Variants in CELSR3 observed in about 807,000 individuals in gnomAD.
CELSR3 encodes the protein cadherin EGF LAG seven-pass G-type receptor 3.
CELSR3 carries 73 observed loss-of-function variants against 270.0 expected under a neutral mutation model. That is an observed-to-expected ratio of 0.27 (90% CI 0.22 to 0.33). The LOEUF is 0.33. CELSR3 is among the 10% of genes least tolerant of loss of function. The probability of loss-of-function intolerance (pLI) is 1.00; values close to 1 mark genes in which losing one functional copy is unlikely to be tolerated. For missense variants in CELSR3, 3,614 were observed against 4,533.8 expected (o/e 0.80, Z 5.83); for synonymous variants, 1,780 against 1,905.4 (o/e 0.93, Z 1.71).
Position 48,640,241 on chromosome 3 carries a change from T to G in CELSR3, c.9344A>C (p.Lys3115Thr). Residue 3115 changes from lysine (K) to threonine (T), a missense_variant, in exon 34 of 35, where the codon AAA becomes ACA. Physicochemically the swap from Lys to Thr is moderately conservative, Grantham distance 78 (BLOSUM62 -1). Transcript: ENST00000164024. The surrounding 1 kb of genome is among the most constrained non-coding windows in gnomAD (Gnocchi z 7.5). The stretch of plus-strand genomic sequence containing the variant: ...CCGTGGCAGGGTGCTGCCCCGATCT[T>G]TGGGCTCCAGTCGGCCTGGTGCAGC... ...MDAAPGRLEP[K>T]DRGSTLPRRQ... 6.2e-7 allele frequency: 1 copy of G among 1,612,744 alleles called. No homozygotes were observed. The highest frequency in any genetic ancestry group is 8.5e-7 in the Non-Finnish European group (1 of 1,179,912).
In CELSR3 at chr3:48,641,431, C is replaced by A. The variant is rs201433524; in HGVS notation, c.8918G>T (p.Arg2973Leu). 6.2e-6 allele frequency: 10 copies of A among 1,612,380 alleles called. No homozygotes were observed. In the East Asian group the frequency reaches 2.2e-4, roughly 36 times the overall value. Residue 2973 changes from arginine to leucine, a missense_variant, in exon 33 of 35, where the codon CGC (arginine) becomes CTC (leucine). Physicochemically the swap from Arg to Leu is moderately radical, Grantham distance 102. Transcript: ENST00000164024. This position sits in a 1 kb window ranked among gnomAD's most constrained non-coding sequence, Gnocchi z 4.8. ...CALQTWGSERRLGLDTSKDAA... is the reference protein window; with the variant it reads ...CALQTWGSERLLGLDTSKDAA... ...ATCCTTGCTGGTGTCCAGCCCCAGG[C>A]GCCTTTCAGAGCCCCAAGTCTGCAG...
chr3:48,661,927 T>C lies in CELSR3; in HGVS notation c.708A>G (p.Pro236=). Residue 236 remains proline (P), a synonymous_variant, in exon 1 of 35, where the codon CCA becomes CCG. Coordinates refer to ENST00000164024, the MANE Select transcript of CELSR3 (RefSeq NM_001407.3). ...GCTCGGGGCCAGATCCCGAGGCCCCTGGAAGACAGTTCCGCCGGGGGGCTG... is the reference window on the plus strand; with the variant it reads ...GCTCGGGGCCAGATCCCGAGGCCCCCGGAAGACAGTTCCGCCGGGGGGCTG... ...ERTAPRRNCL[P]GASGSGPELD... is the part of the protein sequence containing the mutation. The C allele has an allele frequency of 2.5e-6, 4 of 1,613,258 alleles. No individual in the cohort carries two copies. The highest frequency in any genetic ancestry group is 3.4e-6 in the Non-Finnish European group (4 of 1,180,018).
chr3:48,657,489 G>A lies in CELSR3; in HGVS notation c.3749-141C>T. ...GCTGACCCCACCAGGACACAAGGGA[G>A]TCTGGGGCTAGTGACCACCAGCTCC... On this transcript the variant is annotated intron_variant, in intron 1 of 34. Transcript: ENST00000164024. This position sits in a 1 kb window ranked among gnomAD's most constrained non-coding sequence, Gnocchi z 5.4. 1.1e-6 allele frequency: 1 copy of A among 874,212 alleles called. No individual in the cohort carries two copies. The highest frequency in any genetic ancestry group is 1.8e-5 in the South Asian group (1 of 55,410). The allele number at this position is 874,212 out of a possible 1,614,324, so 54.2% of individuals were successfully genotyped here.
Position 48,637,867 on chromosome 3 carries a change from G to A in CELSR3, c.*338C>T, listed in dbSNP as rs900138895. The A allele has an allele frequency of 2.9e-6, 1 of 342,782 alleles. No individual in the cohort carries two copies. The highest frequency in any genetic ancestry group is 2.0e-5 in the African/African-American group (1 of 49,056). The allele number at this position is 342,782 out of a possible 1,614,324, so 21.2% of individuals were successfully genotyped here. A position where few individuals can be genotyped will look rare whatever the true frequency, so the allele number is the denominator to read the frequency against. ...ATAGGGTTTGCTCAGGACCCAAATGGGGTCAAACTGCATCTCTCCCTCTAT... is the reference window on the plus strand; with the variant it reads ...ATAGGGTTTGCTCAGGACCCAAATGAGGTCAAACTGCATCTCTCCCTCTAT... On this transcript the variant is annotated 3_prime_UTR_variant, in exon 35 of 35. Coordinates refer to ENST00000164024, the MANE Select transcript of CELSR3 (RefSeq NM_001407.3).
chr3:48,639,780 C>A lies in CELSR3; in HGVS notation c.9805G>T (p.Gly3269Cys). The change falls in exon 34 of 35, where the codon GGC becomes TGC. Residue 3269 changes from glycine (G) to cysteine (C), a missense_variant. Gly to Cys is a radical substitution (Grantham distance 159). Around this residue, in one of 7 missense-constraint regions of CELSR3, gnomAD observed 1,240 missense variants for 1,351.7 expected, o/e 0.92. Transcript: ENST00000164024. The surrounding 1 kb of genome is among the most constrained non-coding windows in gnomAD (Gnocchi z 4.1). ...SSVQSSSTPLGPHTTATPSAT... is the reference protein window; with the variant it reads ...SSVQSSSTPLCPHTTATPSAT... ...GAAGGTGTGGCAGTGGTGTGAGGGC[C>A]CAAGGGTGTGCTTGAAGATTGCACA... 1.2e-6 allele frequency: 2 copies of A among 1,613,568 alleles called. No homozygotes were observed. The highest frequency in any genetic ancestry group is 1.7e-6 in the Non-Finnish European group (2 of 1,179,962).
chr3:48,661,087 G>A lies in CELSR3; in HGVS notation c.1548C>T (p.Ser516=), dbSNP rs2106723457. The stretch of plus-strand genomic sequence containing the variant: ...GCGGCCCGGGTTCCTGGCCCTGGTC[G>A]CTGGCTTCCACCACCAGCTCATAGC... ...MESYELVVEA[S]DQGQEPGPRS... is the part of the protein sequence containing the mutation. The change falls in exon 1 of 35, where the codon AGC becomes AGT. Residue 516 remains serine (S), a synonymous_variant. Transcript: ENST00000164024. 1 of 1,613,262 alleles carries A rather than the reference G, an allele frequency of 6.2e-7. No homozygotes were observed. Among genetic ancestry groups the A allele is most frequent in the Non-Finnish European group, 8.5e-7 (1 of 1,179,904 alleles).
chr3:48,653,045 C>T lies in CELSR3; in HGVS notation c.5591G>A (p.Gly1864Asp). 1 of 1,613,184 alleles carries T rather than the reference C, an allele frequency of 6.2e-7. No homozygotes were observed. Among genetic ancestry groups the T allele is most frequent in the Non-Finnish European group, 8.5e-7 (1 of 1,179,980 alleles). Residue 1864 changes from glycine (G) to aspartate (D), a missense_variant, in exon 10 of 35, where the codon GGC (glycine) becomes GAC (aspartate). Gly to Asp is a moderately conservative substitution (Grantham distance 94). Around this residue, in one of 7 missense-constraint regions of CELSR3, gnomAD observed 1,331 missense variants for 1,933.7 expected, o/e 0.69. Coordinates refer to ENST00000164024, the MANE Select transcript of CELSR3 (RefSeq NM_001407.3). This position sits in a 1 kb window ranked among gnomAD's most constrained non-coding sequence, Gnocchi z 6.5. The stretch of plus-strand genomic sequence containing the variant: ...CAGTGAGACCATAAGGACATGGTGG[C>T]CCCGCCGGCCACCTGGTTCCTCCTG... ...ELQEEPGGRRGHHVLMVSLDF... is the reference protein window; with the variant it reads ...ELQEEPGGRRDHHVLMVSLDF...
rs1199926123 is a variant in CELSR3 at position 48,658,018 on chromosome 3, C to T, written c.3749-670G>A. Among the ~76,000 whole-genome samples the T allele has an allele frequency of 1.3e-5, 2 of 152,154 alleles. No individual in the cohort carries two copies. Among genetic ancestry groups the T allele is most frequent in the Non-Finnish European group, 2.9e-5 (2 of 68,020 alleles). On this transcript the variant is annotated intron_variant, in intron 1 of 34. Transcript: ENST00000164024. This position sits in a 1 kb window ranked among gnomAD's most constrained non-coding sequence, Gnocchi z 4.7. ...AGCATTCTTGAGTTAGCAGCCTGCT[C>T]GCCACTCCAGACCTGGGTCCTGTGG...
At position 48,655,179 on chromosome 3, in the gene CELSR3, C is replaced by T. The variant is rs370166298; in HGVS notation, c.4853G>A (p.Gly1618Asp). ...YNKPRTDALG[G>D]AQGPSKDKVA... Reference sequence around the variant, plus strand: ...CTTGTCCTTGGAGGGGCCCTGTGCACCCCCTAGGGCATCTGTCCGGGGCTG... The same window carrying T: ...CTTGTCCTTGGAGGGGCCCTGTGCATCCCCTAGGGCATCTGTCCGGGGCTG... Residue 1618 changes from glycine (G) to aspartate (D), a missense_variant, in exon 6 of 35, where the codon GGT (glycine) becomes GAT (aspartate). Physicochemically the swap from Gly to Asp is moderately conservative, Grantham distance 94. Coordinates refer to ENST00000164024, the MANE Select transcript of CELSR3 (RefSeq NM_001407.3). The surrounding 1 kb of genome is among the most constrained non-coding windows in gnomAD (Gnocchi z 5.8). 4 of 1,613,780 alleles carry T rather than the reference C, an allele frequency of 2.5e-6. No individual in the cohort carries two copies. In the African/African-American group the frequency reaches 4.0e-5, roughly 16 times the overall value.
In CELSR3 at chr3:48,657,683, T is replaced by A. The variant is rs2077034217; in HGVS notation, c.3749-335A>T. Among the ~76,000 whole-genome samples the A allele has an allele frequency of 1.3e-5, 2 of 152,004 alleles. No individual in the cohort carries two copies. Among genetic ancestry groups the A allele is most frequent in the African/African-American group, 4.8e-5 (2 of 41,384 alleles). Reference sequence around the variant, plus strand: ...ACTCAGTAACCCACACTTCCCCAAGTTATCATGGTCAGCAGGCCACCCCAA... The same window carrying A: ...ACTCAGTAACCCACACTTCCCCAAGATATCATGGTCAGCAGGCCACCCCAA... On this transcript the variant is annotated intron_variant, in intron 1 of 34. Transcript: ENST00000164024. The surrounding 1 kb of genome is among the most constrained non-coding windows in gnomAD (Gnocchi z 5.4).
rs1285347042 is a variant in CELSR3, at chr3:48,654,775, TGTGGGACATTA to T, written c.4988+258_4988+268del. 6.6e-6 allele frequency among the ~76,000 whole-genome samples: 1 copy of T among 151,070 alleles called. No individual in the cohort carries two copies. Among genetic ancestry groups the T allele is most frequent in the Non-Finnish European group, 1.5e-5 (1 of 67,842 alleles). On this transcript the variant is annotated intron_variant, in intron 6 of 34. Coordinates refer to ENST00000164024, the MANE Select transcript of CELSR3 (RefSeq NM_001407.3). The surrounding 1 kb of genome is among the most constrained non-coding windows in gnomAD (Gnocchi z 5.4). ...ATGAGATGAAGGGACTCGGAGGGGA[TGTGGGACATTA>T]GTGAGACTGGGGTGGGGAGGTGGAG... is the stretch of plus-strand genomic sequence containing the variant.
chr3:48,650,517 G>A lies in CELSR3; in HGVS notation c.6435C>T (p.Gly2145=), dbSNP rs774054515. ...GGGGACAGGGCACTGTGGCCAGGAC[G>A]CCAAACTTTGTCTGGGGCCACCACA... ...SGVWWPQTKF[G]VLATVPCPRG... is the part of the protein sequence containing the mutation. The change falls in exon 16 of 35, where the codon GGC becomes GGT. Residue 2145 remains glycine (G), a synonymous_variant. Transcript: ENST00000164024. The surrounding 1 kb of genome is among the most constrained non-coding windows in gnomAD (Gnocchi z 5.1). 17 of 1,607,780 alleles carry A rather than the reference G, an allele frequency of 1.1e-5. No homozygotes were observed. Among genetic ancestry groups the A allele is most frequent in the Admixed American group, 3.4e-5 (2 of 58,692 alleles).
rs766542023 is a variant in CELSR3, at chr3:48,653,227, T to C, written c.5449-40A>G. On this transcript the variant is annotated intron_variant, in intron 9 of 34. Transcript: ENST00000164024. The surrounding 1 kb of genome is among the most constrained non-coding windows in gnomAD (Gnocchi z 6.5). ...GCATAGCCCTGGGGTTAGAGCCCCA[T>C]GTGGGCTGGGACTTGGAGGTGAGAT... is the stretch of plus-strand genomic sequence containing the variant. 1 of 1,587,374 alleles carries C rather than the reference T, an allele frequency of 6.3e-7. No individual in the cohort carries two copies. Among genetic ancestry groups the C allele is most frequent in the Non-Finnish European group, 8.6e-7 (1 of 1,159,854 alleles).
Position 48,650,588 on chromosome 3 carries a change from A to G in CELSR3, c.6371-7T>C. The G allele has an allele frequency of 1.3e-6, 2 of 1,595,424 alleles. No individual in the cohort carries two copies. The highest frequency in any genetic ancestry group is 1.7e-6 in the Non-Finnish European group (2 of 1,174,096). On this transcript the variant is annotated splice_region_variant and splice_polypyrimidine_tract_variant and intron_variant, in intron 15 of 34. Transcript: ENST00000164024. The surrounding 1 kb of genome is among the most constrained non-coding windows in gnomAD (Gnocchi z 5.1). Reference sequence around the variant, plus strand: ...GGGCAGGCATCATAGAGCACTAGAGAGAGAAGAGGTGCTGAGCCAGGCAGT... The same window carrying G: ...GGGCAGGCATCATAGAGCACTAGAGGGAGAAGAGGTGCTGAGCCAGGCAGT...
At chr3:48,638,349 C>T (rs925937834) in intron 34 of CELSR3, 117 bp from the exon 35 acceptor site, 16 of 747,890 alleles carry the variant, frequency 2.1e-5, no homozygotes, top group Admixed American at 1.8e-4. Context: ...ACTGCTCTCG[C>T]CTCTTAGCCC....
chr3:48,642,407 A>G lies in CELSR3; in HGVS notation c.8616T>C (p.Ala2872=). 6.2e-7 allele frequency: 1 copy of G among 1,613,278 alleles called. No individual in the cohort carries two copies. The highest frequency in any genetic ancestry group is 1.1e-5 in the South Asian group (1 of 91,082). Reference sequence around the variant, plus strand: ...CGTCCAGGTCAGTGGGGCCAGCATGAGCCTGGAGGCTGTGGTCAGTGTGGT... The same window carrying G: ...CGTCCAGGTCAGTGGGGCCAGCATGGGCCTGGAGGCTGTGGTCAGTGTGGT... ...AADHTDHSLQ[A]HAGPTDLDVA... The change falls in exon 31 of 35, where the codon GCT becomes GCC. Residue 2872 remains alanine, a synonymous_variant. Coordinates refer to ENST00000164024, the MANE Select transcript of CELSR3 (RefSeq NM_001407.3). The surrounding 1 kb of genome is among the most constrained non-coding windows in gnomAD (Gnocchi z 6.1).
Position 48,659,296 on chromosome 3 carries a change from C to T in CELSR3, c.3339G>A (p.Glu1113=), listed in dbSNP as rs775147898. The T allele has an allele frequency of 1.9e-6, 3 of 1,614,068 alleles. No individual in the cohort carries two copies. Among genetic ancestry groups the T allele is most frequent in the African/African-American group, 1.3e-5 (1 of 74,918 alleles). ...MYQIVEGNIP[E]LFQMDIFSGE... ...CAGAGAAGATGTCCATTTGGAACAG[C>T]TCAGGGATGTTCCCCTCCACGATCT... The change falls in exon 1 of 35, where the codon GAG becomes GAA. Residue 1113 remains glutamate (E), a synonymous_variant. Coordinates refer to ENST00000164024, the MANE Select transcript of CELSR3 (RefSeq NM_001407.3). The surrounding 1 kb of genome is among the most constrained non-coding windows in gnomAD (Gnocchi z 8.1).
rs972235299 is a variant in CELSR3, at chr3:48,641,064, T to C, written c.9025+260A>G. The C allele has an allele frequency of 9.8e-6, 5 of 509,994 alleles. No individual in the cohort carries two copies. Among genetic ancestry groups the C allele is most frequent in the African/African-American group, 7.8e-5 (4 of 51,306 alleles). 31.6% of individuals were successfully genotyped at this position (509,994 alleles called of 1,614,324 possible). A position where few individuals can be genotyped will look rare whatever the true frequency, so the allele number is the denominator to read the frequency against. Reference sequence around the variant, plus strand: ...AGGGGGAAGCAGCTCCTAGGGTCTCTGAAAAACAGATGGGCTGGGGCAGGA... The same window carrying C: ...AGGGGGAAGCAGCTCCTAGGGTCTCCGAAAAACAGATGGGCTGGGGCAGGA... On this transcript the variant is annotated intron_variant, in intron 33 of 34. Coordinates refer to ENST00000164024, the MANE Select transcript of CELSR3 (RefSeq NM_001407.3). The surrounding 1 kb of genome is among the most constrained non-coding windows in gnomAD (Gnocchi z 4.8).
Position 48,660,513 on chromosome 3 carries a change from C to A in CELSR3, c.2122G>T (p.Val708Phe). The A allele has an allele frequency of 6.2e-7, 1 of 1,614,180 alleles. No individual in the cohort carries two copies. Among genetic ancestry groups the A allele is most frequent in the Non-Finnish European group, 8.5e-7 (1 of 1,180,048 alleles). The change falls in exon 1 of 35, where the codon GTC becomes TTC. Residue 708 changes from valine (V) to phenylalanine (F), a missense_variant. Val to Phe is a conservative substitution (Grantham distance 50, BLOSUM62 -1). Transcript: ENST00000164024. This position sits in a 1 kb window ranked among gnomAD's most constrained non-coding sequence, Gnocchi z 5.5. Reference protein sequence around the residue: ...PFVINSATGWVSVSGPLDRES... With the variant: ...PFVINSATGWFSVSGPLDRES... ...CGGTCCAGGGGACCACTCACAGAGA[C>A]CCAGCCAGTGGCGCTGTTTATCACA...
Sources: allele counts gnomAD v4.1 joint callset (sites outside exome capture counted in the v4.1 genomes callset), GRCh38; gene constraint gnomAD v4.1.1; regional missense constraint gnomAD v4.1.1; non-coding constraint Gnocchi (gnomAD v3.1); transcripts MANE v1.5; gene names NCBI Gene and HGNC (gene_info 2026-07-23, HGNC 2026-07-21).